Variants in RMP64 observed in about 807,000 individuals in gnomAD.
RMP64 encodes nucleolus and neural progenitor protein.
the RMP64 span, among the ~76,000 whole-genome samples, chr3:113,014,198 AT>A: frequency 6.6e-6 from 1 of 152,194 alleles, no homozygotes; most frequent in East Asian, 1.9e-4. Context: ...AGCGCAAGCA[AT>A]TGCTTCTAGT....
the RMP64 span, among the ~76,000 whole-genome samples, chr3:113,010,866 T>G: frequency 1.3e-5 from 2 of 152,196 alleles, no homozygotes; most frequent in Non-Finnish European, 2.9e-5. Flanking sequence ...ATAAACAACT[T>G]AAAGTACTCA....
chr3:113,009,077 C>CCAT, the RMP64 span, among the ~76,000 whole-genome samples: 1 of 152,048 alleles, frequency 6.6e-6, no homozygotes, highest in African/African-American at 2.4e-5. Context: ...CAGAATAAGC[C>CCAT]CATTAATCAG....
chr3:113,019,494 G>T, the RMP64 span: 1 of 1,476,956 alleles, frequency 6.8e-7, no homozygotes, highest in Non-Finnish European at 9.4e-7. Flanking sequence ...TGGGCCTGGC[G>T]GCCTCCCCCG....
chr3:113,011,266 C>A, the RMP64 span: 5 of 1,613,418 alleles, frequency 3.1e-6, no homozygotes, highest in Non-Finnish European at 4.2e-6. Context: ...ATATGGCTGT[C>A]CTAAAAATTC....
the RMP64 span, chr3:113,012,985 T>G: frequency 1.6e-6 from 1 of 617,844 alleles, no homozygotes. Context: ...ATAAACACTC[T>G]GCTAGAGTTC....
the RMP64 span, chr3:113,012,575 C>A: frequency 2.0e-6 from 1 of 498,354 alleles, no homozygotes; most frequent in Non-Finnish European, 3.5e-6. Flanking sequence ...CAGCACTCGG[C>A]TTCCCAATCT....
At chr3:113,010,835 AG>A in the RMP64 span, 1 of 861,640 alleles carries the variant, frequency 1.2e-6, no homozygotes, top group Non-Finnish European at 1.8e-6. Flanking sequence ...GCAAATAACT[AG>A]GAAGCAACTA....
chr3:113,012,593 A>G, the RMP64 span: 1 of 522,130 alleles, frequency 1.9e-6, no homozygotes, highest in Admixed American at 3.5e-5. Flanking sequence ...TCTACCCTCA[A>G]AAAACTCTGA....
chr3:113,005,030 T>C, the RMP64 span: 1 of 162,628 alleles, frequency 6.1e-6, no homozygotes, highest in African/African-American at 2.4e-5. Flanking sequence ...GTTGATCAAT[T>C]CCAACATATA....
At chr3:113,014,111 C>G in the RMP64 span, 18 of 861,468 alleles carry the variant, frequency 2.1e-5, no homozygotes, top group Non-Finnish European at 3.5e-5. Flanking sequence ...AAAGCAAAGA[C>G]TTCTAGATTT....
the RMP64 span, chr3:113,012,908 T>C: frequency 6.3e-6 from 5 of 796,918 alleles, no homozygotes; most frequent in African/African-American, 8.5e-5. Flanking sequence ...GTAAAGAGAA[T>C]TTTCTTAAAG....
the RMP64 span, among the ~76,000 whole-genome samples, chr3:113,016,193 G>A: frequency 2.0e-5 from 3 of 152,126 alleles, no homozygotes; most frequent in Admixed American, 2.0e-4. Context: ...AAGAAGTTTG[G>A]TCTTTACTCA....
chr3:113,019,454 C>A, the RMP64 span: 1 of 1,128,598 alleles, frequency 8.9e-7, no homozygotes, highest in Non-Finnish European at 1.3e-6. Flanking sequence ...CCGGGAAGTC[C>A]CGGTACCACC....
the RMP64 span, chr3:113,006,137 C>A: frequency 2.0e-3 from 1,342 of 663,700 alleles, 15 homozygotes; most frequent in African/African-American, 0.022. Context: ...AATCCCAGAA[C>A]CACATCGAAA....
chr3:113,012,629 A>C, the RMP64 span: 1 of 691,550 alleles, frequency 1.4e-6, no homozygotes, highest in South Asian at 1.9e-5. Context: ...GAATACCTGC[A>C]CCTTCCATAA....
the RMP64 span, chr3:113,012,821 C>G: frequency 6.5e-7 from 1 of 1,534,068 alleles, no homozygotes; most frequent in Non-Finnish European, 9.0e-7. Context: ...ACTGGAAAAT[C>G]AATTTAAGGT....
chr3:113,002,617 T>A, the RMP64 span: 1 of 152,352 alleles, frequency 6.6e-6, no homozygotes, highest in Non-Finnish European at 1.5e-5. Context: ...GAATGCTGTT[T>A]ACAACTTAGC....
At chr3:113,013,462 G>GT in the RMP64 span, 5,804 of 933,128 alleles carry the variant, frequency 6.2e-3, 16 homozygotes, top group African/African-American at 0.027. Flanking sequence ...TTTTTTTTTT[G>GT]TTTTTTTTTT....
At chr3:113,018,774 C>T in the RMP64 span, among the ~76,000 whole-genome samples, 1 of 152,158 alleles carries the variant, frequency 6.6e-6, no homozygotes, top group Non-Finnish European at 1.5e-5. Flanking sequence ...ATTATCAACT[C>T]TTTCATCCCC....
Sources: gnomAD v4.1 joint callset for allele counts (sites outside exome capture counted in the v4.1 genomes callset) on GRCh38, gnomAD v4.1.1 for gene constraint, MANE v1.5 for transcripts, NCBI Gene and HGNC (gene_info 2026-07-23, HGNC 2026-07-21) for gene names.